ANKRD11: variants seen among roughly 807,000 people sequenced by gnomAD.
ANKRD11 encodes the protein ankyrin repeat domain-containing protein 11.
A neutral mutation model predicts 195.7 loss-of-function variants in ANKRD11; 17 were observed. The observed-to-expected ratio is 0.09, with a 90% CI of 0.06 to 0.13. The LOEUF is 0.13. Ranked by LOEUF, ANKRD11 falls within the 10% of genes least tolerant of loss-of-function variation. The pLI is 1.00. For synonymous variants in ANKRD11, 1,953 were observed against 1,528.1 expected, an observed-to-expected ratio of 1.28 and a Z score of -6.49; for missense variants, 3,735 against 3,566.1, an observed-to-expected ratio of 1.05 and a Z score of -1.21.
intron 1 of ANKRD11, among the ~76,000 whole-genome samples, chr16:89,424,501 A>G (rs1015360537): frequency 2.1e-4 from 32 of 152,194 alleles, no homozygotes; most frequent in African/African-American, 7.7e-4. Flanking sequence ...TGTGTCTCCA[A>G]GCCCAGTCTT....
chr16:89,380,254 AG>A (rs1375750843), intron 2 of ANKRD11, among the ~76,000 whole-genome samples: 2 of 152,158 alleles, frequency 1.3e-5, no homozygotes, highest in Non-Finnish European at 2.9e-5. Flanking sequence ...TTGGTATTAC[AG>A]GCATGTGCCA....
chr16:89,300,883 G>A, intron 4 of ANKRD11: 1 of 702,296 alleles, frequency 1.4e-6, no homozygotes, highest in Non-Finnish European at 2.6e-6. Context: ...CACGTGCAGA[G>A]GGCAGGCAGC....
intron 1 of ANKRD11, among the ~76,000 whole-genome samples, chr16:89,424,296 C>A (rs2042630031): frequency 6.6e-6 from 1 of 152,044 alleles, no homozygotes; most frequent in South Asian, 2.1e-4. Flanking sequence ...ACAAAATTAG[C>A]CAGGCGTGGT....
chr16:89,372,328 C>T (rs901632374), intron 2 of ANKRD11, among the ~76,000 whole-genome samples: 5 of 152,314 alleles, frequency 3.3e-5, no homozygotes, highest in East Asian at 3.9e-4. Flanking sequence ...GCGACGGATG[C>T]GGCCACCACT....
At position 89,290,776 on chromosome 16, in the gene ANKRD11, C is replaced by T. The variant is rs769018126; in HGVS notation, c.450G>A (p.Thr150=). 9.9e-6 allele frequency: 16 copies of T among 1,613,948 alleles called. No individual in the cohort carries two copies. The Admixed American group carries it at 1.3e-4, about 13-fold the overall frequency. The change falls in exon 6 of 13, where the codon ACG becomes ACA. Residue 150 remains threonine (T), a synonymous_variant. Transcript: ENST00000301030. The part of the protein sequence containing the change: ...PSQSTVCQKG[T]PNSASKTKDK... ...CTTTGGTTTTTGAGGCAGAGTTGGG[C>T]GTTCCCTTCTGACACACTGTAGACT... is the stretch of plus-strand genomic sequence containing the variant.
chr16:89,319,434 T>C (rs2037167457), intron 2 of ANKRD11, among the ~76,000 whole-genome samples: 2 of 152,250 alleles, frequency 1.3e-5, no homozygotes, highest in East Asian at 1.9e-4. Flanking sequence ...CAGCGAACAC[T>C]CCGGGGACTC....
chr16:89,425,218 G>C (rs889559870), intron 1 of ANKRD11, among the ~76,000 whole-genome samples: 3 of 152,072 alleles, frequency 2.0e-5, no homozygotes, highest in Non-Finnish European at 2.9e-5. Context: ...TTGCACATGA[G>C]AAAACTGAGG....
chr16:89,396,254 G>A (rs1042023492), intron 2 of ANKRD11, among the ~76,000 whole-genome samples: 4 of 152,288 alleles, frequency 2.6e-5, no homozygotes, highest in African/African-American at 4.8e-5. Context: ...GTGGATCCAC[G>A]TCGGGAGATG....
In ANKRD11 at chr16:89,282,671, C is replaced by G. The variant is rs2034358459; in HGVS notation, c.3871G>C (p.Glu1291Gln). Residue 1291 changes from glutamate to glutamine, a missense_variant, in exon 9 of 13, where the codon GAG (glutamate) becomes CAG (glutamine). Coordinates refer to ENST00000301030, the MANE Select transcript of ANKRD11 (RefSeq NM_013275.6). ...TTATCGTTGGAGTCTTCTCTGTACT[C>G]ATGGAGAGCCTCTTCTTCCAACTTT... The part of the protein sequence containing the change: ...LEKLEEEALH[E>Q]YREDSNDKIS... 1 of 1,614,184 alleles carries G rather than the reference C, an allele frequency of 6.2e-7. No individual in the cohort carries two copies. The highest frequency in any genetic ancestry group is 8.5e-7 in the Non-Finnish European group (1 of 1,180,042).
chr16:89,306,485 G>A (rs866317419), intron 3 of ANKRD11, among the ~76,000 whole-genome samples: 1,934 of 82,452 alleles, frequency 0.023, 45 homozygotes, highest in East Asian at 0.2. Context: ...CCGCAGACAC[G>A]CGCCACCTCC....
At chr16:89,441,671 G>T (rs934942936) in intron 1 of ANKRD11, among the ~76,000 whole-genome samples, 6 of 146,462 alleles carry the variant, frequency 4.1e-5, no homozygotes, top group African/African-American at 1.0e-4. Flanking sequence ...GGAGGCTGAG[G>T]CAGGAGAATG....
chr16:89,423,447 A>G (rs973263385), intron 1 of ANKRD11, among the ~76,000 whole-genome samples: 3 of 152,244 alleles, frequency 2.0e-5, no homozygotes, highest in Non-Finnish European at 4.4e-5. Flanking sequence ...TCATGAGTAC[A>G]GGAGCATACG....
chr16:89,292,384 C>T (rs2035119484), intron 4 of ANKRD11, among the ~76,000 whole-genome samples: 1 of 152,208 alleles, frequency 6.6e-6, no homozygotes, highest in Admixed American at 6.5e-5. Flanking sequence ...TCTCTCAGCT[C>T]AGCTCCCAGG....
chr16:89,335,946 A>G (rs2038330206), intron 2 of ANKRD11, among the ~76,000 whole-genome samples: 2 of 152,222 alleles, frequency 1.3e-5, no homozygotes, highest in Admixed American at 1.3e-4. Context: ...CGCCGCAAAC[A>G]TGACCGTGCA....
intron 2 of ANKRD11, among the ~76,000 whole-genome samples, chr16:89,408,018 C>T (rs949432748): frequency 1.3e-5 from 2 of 152,178 alleles, no homozygotes; most frequent in African/African-American, 4.8e-5. Flanking sequence ...CACTCCCCAG[C>T]TACAGCTGCC....
At chr16:89,343,208 C>T (rs929924856) in intron 2 of ANKRD11, among the ~76,000 whole-genome samples, 3 of 152,040 alleles carry the variant, frequency 2.0e-5, no homozygotes, top group Admixed American at 6.6e-5. Context: ...CCAGGCTGGT[C>T]TCGAACTCCT....
chr16:89,283,546 G>C lies in ANKRD11; in HGVS notation c.2996C>G (p.Pro999Arg). Reference sequence around the variant, plus strand: ...TCGTGCTGGGTGGTGCCGTTCCCACGGCTCCAGGCCCTTCCCAAAGTCGCC... The same window carrying C: ...TCGTGCTGGGTGGTGCCGTTCCCACCGCTCCAGGCCCTTCCCAAAGTCGCC... ...SDGDFGKGLEPWERHHPAREK... is the reference protein window; with the variant it reads ...SDGDFGKGLERWERHHPAREK... The change falls in exon 9 of 13, where the codon CCG becomes CGG. Residue 999 changes from proline to arginine, a missense_variant. By Grantham distance (103) the Pro-to-Arg change is moderately radical. Coordinates refer to ENST00000301030, the MANE Select transcript of ANKRD11 (RefSeq NM_013275.6). This position sits in a 1 kb window ranked among gnomAD's most constrained non-coding sequence, Gnocchi z 4.3. 4 of 1,612,512 alleles carry C rather than the reference G, an allele frequency of 2.5e-6. No individual in the cohort carries two copies. Among genetic ancestry groups the C allele is most frequent in the Non-Finnish European group, 3.4e-6 (4 of 1,180,020 alleles).
chr16:89,428,383 A>G (rs765002236), intron 1 of ANKRD11, among the ~76,000 whole-genome samples: 46 of 151,892 alleles, frequency 3.0e-4, no homozygotes, highest in African/African-American at 6.5e-4. Context: ...AAAATTAGCC[A>G]AGCGTGGTGG....
At chr16:89,276,978 C>T (rs746403831) in intron 9 of ANKRD11, among the ~76,000 whole-genome samples, 10 of 151,676 alleles carry the variant, frequency 6.6e-5, no homozygotes, top group Non-Finnish European at 1.2e-4. Context: ...ATTGCTTGAA[C>T]CGGGGAGGTG....
Sources: gnomAD v4.1 joint callset for allele counts (sites outside exome capture counted in the v4.1 genomes callset) on GRCh38, gnomAD v4.1.1 for gene constraint, Gnocchi (gnomAD v3.1) non-coding constraint, MANE v1.5 for transcripts, NCBI Gene and HGNC (gene_info 2026-07-23, HGNC 2026-07-21) for gene names.